The following PARVB variants were observed in gnomAD, a reference collection of about 807,000 sequenced individuals.
PARVB encodes beta-parvin.
A neutral mutation model predicts 47.0 loss-of-function variants in PARVB; 46 were observed. The ratio of observed to expected loss-of-function variants is 0.98; its 90% CI spans 0.77 to 1.25. The LOEUF (loss-of-function observed/expected upper bound fraction) is 1.25, where lower values mean the gene tolerates loss of function less well. PARVB is among the 50% of genes most tolerant of loss of function. The pLI, the probability that PARVB is intolerant of heterozygous loss-of-function variation, is 0.00. For missense variants in PARVB, 473 were observed against 471.6 expected, an observed-to-expected ratio of 1.00 and a Z score of -0.03; for synonymous variants, 196 against 196.3, an observed-to-expected ratio of 1.00 and a Z score of 0.01.
At position 44,168,735 on chromosome 22, in the gene PARVB, G is replaced by C; in HGVS notation, c.*57G>C. ...CCAGCAAGAAAGGCGGCATCCGTCT[G>C]TGCCCTGTGCCTTTCCAGGGAGCCA... On this transcript the variant is annotated 3_prime_UTR_variant, in exon 13 of 13. Coordinates refer to ENST00000338758, the MANE Select transcript of PARVB (RefSeq NM_013327.5). 3 of 1,210,538 alleles carry C rather than the reference G, an allele frequency of 2.5e-6. No individual in the cohort carries two copies. The highest frequency in any genetic ancestry group is 3.7e-6 in the Non-Finnish European group (3 of 813,884). 75.0% of individuals were successfully genotyped at this position (1,210,538 alleles called of 1,614,324 possible).
intron 1 of PARVB, among the ~76,000 whole-genome samples, chr22:44,041,857 C>T (rs1007973830): frequency 6.6e-6 from 1 of 152,134 alleles, no homozygotes; most frequent in Non-Finnish European, 1.5e-5. Flanking sequence ...TACATTCCAG[C>T]CTGGGTGACA....
chr22:44,132,822 G>A (rs79187182), intron 5 of PARVB, 72 bp from the exon 6 acceptor site: 10,660 of 935,330 alleles, frequency 0.011, 82 homozygotes, highest in Non-Finnish European at 0.016. Flanking sequence ...TGTCTCTGTT[G>A]CCTTCTGCAC....
intron 1 of PARVB, chr22:44,069,160 C>A (rs1413763107): frequency 9.9e-6 from 16 of 1,611,860 alleles, no homozygotes; most frequent in Non-Finnish European, 1.4e-5. Flanking sequence ...ACCCTCCTCG[C>A]CAGTGAGTTC....
At chr22:44,009,963 C>T (rs942441412) in intron 2 of PARVB, among the ~76,000 whole-genome samples, 4 of 151,920 alleles carry the variant, frequency 2.6e-5, no homozygotes, top group East Asian at 1.9e-4. Flanking sequence ...CCCACCTCCA[C>T]GCCCAGCTAA....
rs6006627 is a variant in PARVB at position 44,034,284 on chromosome 22, T to A, written c.112+9833T>A. 4.1e-5 allele frequency among the ~76,000 whole-genome samples: 5 copies of A among 123,096 alleles called. No homozygotes were observed. The South Asian group carries it at 9.8e-4, about 24-fold the overall frequency. 80.8% of individuals were successfully genotyped at this position (123,096 alleles called of 152,430 possible). On this transcript the variant is annotated intron_variant, in intron 1 of 12. Transcript: ENST00000338758. Reference sequence around the variant, plus strand: ...TATACATATATATGTTTGAGATGGGTGTCTTTATACATATATATGTTTGAG... The same window carrying A: ...TATACATATATATGTTTGAGATGGGAGTCTTTATACATATATATGTTTGAG...
intron 2 of PARVB, among the ~76,000 whole-genome samples, chr22:44,000,645 A>C (rs540447582): frequency 6.6e-6 from 1 of 152,268 alleles, no homozygotes; most frequent in Non-Finnish European, 1.5e-5. Flanking sequence ...GTGTTTTCAC[A>C]TAGATACGTA....
rs1173038488 is a variant in PARVB, at chr22:44,068,196, GAA to G, written c.113-25731_113-25730del. 1.3e-5 allele frequency among the ~76,000 whole-genome samples: 2 copies of G among 152,184 alleles called. No individual in the cohort carries two copies. The highest frequency in any genetic ancestry group is 2.9e-5 in the Non-Finnish European group (2 of 68,014). ...CAGGGAGTTGGGGGACTGGTAATTG[GAA>G]TAAATAAAAGCTAATCGTGCTTCCT... is the stretch of plus-strand genomic sequence containing the variant. On this transcript the variant is annotated intron_variant, in intron 1 of 12. Transcript: ENST00000338758. The surrounding 1 kb of genome is among the most constrained non-coding windows in gnomAD (Gnocchi z 4.1).
chr22:44,053,103 A>G (rs1425557172), intron 1 of PARVB, among the ~76,000 whole-genome samples: 4 of 125,588 alleles, frequency 3.2e-5, no homozygotes, highest in Non-Finnish European at 4.9e-5. Flanking sequence ...TTTTTTTTTG[A>G]GATGGAGTCT....
At chr22:44,107,343 G>A (rs1252553383) in intron 3 of PARVB, 1 of 152,222 alleles carries the variant, frequency 6.6e-6, no homozygotes, top group East Asian at 1.9e-4. Context: ...CTTAAAAGAG[G>A]GAGTGGCTAT....
At chr22:44,088,266 G>A (rs2052079874) in intron 1 of PARVB, among the ~76,000 whole-genome samples, 2 of 152,318 alleles carry the variant, frequency 1.3e-5, no homozygotes, top group South Asian at 4.1e-4. Flanking sequence ...TTACATGGCT[G>A]TGTGGCTTCA....
At chr22:44,130,932 C>T (rs1449306900) in intron 4 of PARVB, among the ~76,000 whole-genome samples, 1 of 151,864 alleles carries the variant, frequency 6.6e-6, no homozygotes, top group African/African-American at 2.4e-5. Context: ...TTCAACATCT[C>T]AAGACGCCCC....
intron 4 of PARVB, among the ~76,000 whole-genome samples, chr22:44,126,840 T>G (rs2053195906): frequency 6.6e-6 from 1 of 152,238 alleles, no homozygotes; most frequent in Non-Finnish European, 1.5e-5. Flanking sequence ...GCAAGCCTTG[T>G]ATCTGGCAGC....
upstream of PARVB, among the ~76,000 whole-genome samples, chr22:44,020,577 T>C (rs1409102416): frequency 6.6e-6 from 1 of 152,142 alleles, no homozygotes; most frequent in African/African-American, 2.4e-5. Flanking sequence ...TTTGATTAGC[T>C]GGAGTGGCTC....
intron 4 of PARVB, among the ~76,000 whole-genome samples, chr22:44,120,409 G>A (rs138432943): frequency 3.3e-3 from 503 of 152,254 alleles, no homozygotes; most frequent in African/African-American, 0.012. Flanking sequence ...TGACGTTTTG[G>A]AAGGGTCTGG....
At chr22:44,139,932 C>G in intron 7 of PARVB, 192 bp from the exon 8 acceptor site, 4 of 365,102 alleles carry the variant, frequency 1.1e-5, no homozygotes, top group Non-Finnish European at 1.5e-5. Context: ...TTCACACAAG[C>G]ACCTCTCGTT....
chr22:44,170,227 C>T lies in PARVB; in HGVS notation c.*1549C>T, dbSNP rs2054253087. ...TGTTGCCCAGGCTGTTCTCAAACCC[C>T]TGGGCTTGAGCGACCCACCCACCTC... is the stretch of plus-strand genomic sequence containing the variant. On this transcript the variant is annotated 3_prime_UTR_variant, in exon 13 of 13. Coordinates refer to ENST00000338758, the MANE Select transcript of PARVB (RefSeq NM_013327.5). The T allele has an allele frequency of 6.6e-6, 1 of 151,896 alleles. No individual in the cohort carries two copies. The highest frequency in any genetic ancestry group is 6.6e-5 in the Admixed American group (1 of 15,256). 9.4% of individuals were successfully genotyped at this position (151,896 alleles called of 1,614,324 possible).
In PARVB at chr22:44,158,008, G is replaced by C; in HGVS notation, c.870G>C (p.Leu290=). The C allele has an allele frequency of 6.2e-7, 1 of 1,613,962 alleles. No individual in the cohort carries two copies. The highest frequency in any genetic ancestry group is 8.5e-7 in the Non-Finnish European group (1 of 1,179,846). Residue 290 remains leucine, a synonymous_variant, in exon 11 of 13, where the codon CTG becomes CTC. Transcript: ENST00000338758. ...TQFADGVYLV[L]LMGLLEDYFV... is the part of the protein sequence containing the mutation. ...TTGCAGATGGCGTGTACCTGGTTCT[G>C]CTCATGGGCCTTCTGGAAGACTACT... is the stretch of plus-strand genomic sequence containing the variant.
chr22:44,114,258 C>A (rs1212394868), intron 3 of PARVB: 2 of 134,136 alleles, frequency 1.5e-5, no homozygotes, highest in Non-Finnish European at 3.2e-5. Flanking sequence ...TTGTTACTAA[C>A]TAAGGCCCTG....
chr22:44,010,640 G>A (rs1160255407), intron 2 of PARVB: 1 of 152,144 alleles, frequency 6.6e-6, no homozygotes, highest in African/African-American at 2.4e-5. Flanking sequence ...GTTTTTGGTG[G>A]TACCATCAGC....
Sources: gnomAD v4.1 joint callset for allele counts (sites outside exome capture counted in the v4.1 genomes callset) on GRCh38, gnomAD v4.1.1 for gene constraint, Gnocchi (gnomAD v3.1) non-coding constraint, MANE v1.5 for transcripts, NCBI Gene and HGNC (gene_info 2026-07-23, HGNC 2026-07-21) for gene names.